The following CACNB4 variants were observed in gnomAD, a reference collection of about 807,000 sequenced individuals.
CACNB4 encodes calcium voltage-gated channel auxiliary subunit beta 4.
Under a neutral mutation model 71.2 loss-of-function variants are expected in CACNB4, and 32 were observed. The ratio of observed to expected loss-of-function variants is 0.45; its 90% CI spans 0.34 to 0.60. CACNB4 has a LOEUF of 0.60. Among genes scored for constraint, CACNB4 ranks in the 20% least tolerant of loss-of-function variants. The pLI, the probability that CACNB4 is intolerant of heterozygous loss-of-function variation, is 0.01. For synonymous variants in CACNB4, 231 were observed against 236.9 expected (o/e 0.97, Z 0.23); for missense variants, 464 against 647.9 (o/e 0.72, Z 3.08).
intron 2 of CACNB4, among the ~76,000 whole-genome samples, chr2:151,977,538 A>G (rs2099874029): frequency 6.6e-6 from 1 of 152,216 alleles, no homozygotes; most frequent in African/African-American, 2.4e-5. Context: ...AACCCATGAA[A>G]TTGACAGTAG....
chr2:152,057,008 C>A (rs907706078), intron 2 of CACNB4, among the ~76,000 whole-genome samples: 7 of 152,158 alleles, frequency 4.6e-5, no homozygotes, highest in African/African-American at 1.4e-4. Flanking sequence ...CATGTACAAT[C>A]CTCTTCTCAT....
chr2:152,078,784 T>C (rs1372538490), intron 2 of CACNB4, among the ~76,000 whole-genome samples: 1 of 152,212 alleles, frequency 6.6e-6, no homozygotes, highest in Non-Finnish European at 1.5e-5. Flanking sequence ...CTTGGACCAC[T>C]GATCTCTTGG....
chr2:151,931,174 T>C (rs1482971664), intron 2 of CACNB4, among the ~76,000 whole-genome samples: 1 of 152,208 alleles, frequency 6.6e-6, no homozygotes, highest in Non-Finnish European at 1.5e-5. Context: ...CCCAGGTCAC[T>C]GCAGTATACC....
intron 2 of CACNB4, among the ~76,000 whole-genome samples, chr2:152,015,547 A>T (rs1289798150): frequency 6.6e-6 from 1 of 152,186 alleles, no homozygotes; most frequent in Admixed American, 6.5e-5. Context: ...TATTTACCTA[A>T]CCAATGGATT....
intron 2 of CACNB4, among the ~76,000 whole-genome samples, chr2:152,076,652 G>T (rs537067075): frequency 3.9e-5 from 6 of 152,240 alleles, no homozygotes; most frequent in Non-Finnish European, 8.8e-5. Context: ...AATTCTTAAA[G>T]GAAGACATCC....
intron 2 of CACNB4, among the ~76,000 whole-genome samples, chr2:151,966,439 C>T (rs1178266203): frequency 6.6e-6 from 1 of 152,050 alleles, no homozygotes; most frequent in African/African-American, 2.4e-5. Context: ...CACCACCACG[C>T]CCAACTAATT....
chr2:152,084,787 T>G (rs1032553904), intron 2 of CACNB4, among the ~76,000 whole-genome samples: 1 of 151,976 alleles, frequency 6.6e-6, no homozygotes, highest in Non-Finnish European at 1.5e-5. Context: ...TGTTTTTTTT[T>G]TTTAATTTGT....
chr2:151,984,355 A>G (rs1338263576), intron 2 of CACNB4, among the ~76,000 whole-genome samples: 1 of 152,166 alleles, frequency 6.6e-6, no homozygotes, highest in East Asian at 1.9e-4. Flanking sequence ...ACTTAATGAG[A>G]AATTATGAGC....
At chr2:151,876,090 C>T (rs112432806) in intron 5 of CACNB4, among the ~76,000 whole-genome samples, 4 of 152,044 alleles carry the variant, frequency 2.6e-5, no homozygotes, top group African/African-American at 4.8e-5. Flanking sequence ...TCTCTGTAAG[C>T]GAACCAAGAG....
chr2:151,883,933 A>C, intron 2 of CACNB4: 1 of 175,494 alleles, frequency 5.7e-6, no homozygotes, highest in East Asian at 1.6e-4. Context: ...CAACAAGAAC[A>C]CTGAGCAGAA....
chr2:151,880,962 G>A, intron 3 of CACNB4, 40 bp from the exon 4 acceptor site: 1 of 1,552,662 alleles, frequency 6.4e-7, no homozygotes, highest in East Asian at 2.3e-5. Context: ...AGGAAGGGAG[G>A]AGAGAGGAGC....
chr2:151,860,679 G>T, intron 10 of CACNB4, 32 bp downstream of exon 10: 1 of 1,420,578 alleles, frequency 7.0e-7, no homozygotes, highest in Non-Finnish European at 1.0e-6. Context: ...TGTAAGCACA[G>T]CTTGAAGAAG....
rs2099834503 is a variant in CACNB4 at position 151,834,662 on chromosome 2, G to C, written c.*4457C>G. The C allele has an allele frequency of 6.6e-6, 1 of 151,900 alleles. No individual in the cohort carries two copies. The highest frequency in any genetic ancestry group is 6.6e-5 in the Admixed American group (1 of 15,242). 9.4% of individuals were successfully genotyped at this position (151,900 alleles called of 1,614,324 possible). A position where few individuals can be genotyped will look rare whatever the true frequency, so the allele number is the denominator to read the frequency against. ...ACTTGACTGCTTAAGTCAAAAAGAAGGTTATCCTTATTGTCTGTCTAACAG... is the reference window on the plus strand; with the variant it reads ...ACTTGACTGCTTAAGTCAAAAAGAACGTTATCCTTATTGTCTGTCTAACAG... On this transcript the variant is annotated 3_prime_UTR_variant, in exon 14 of 14. Coordinates refer to ENST00000539935, the MANE Select transcript of CACNB4 (RefSeq NM_000726.5).
At chr2:151,924,534 A>G (rs2099859762) in intron 2 of CACNB4, among the ~76,000 whole-genome samples, 1 of 150,924 alleles carries the variant, frequency 6.6e-6, no homozygotes, top group Non-Finnish European at 1.5e-5. Context: ...GGTGTGTGCC[A>G]TCATGGCTGC....
chr2:151,910,660 T>C (rs1286091790), intron 2 of CACNB4, among the ~76,000 whole-genome samples: 1 of 152,180 alleles, frequency 6.6e-6, no homozygotes, highest in East Asian at 1.9e-4. Flanking sequence ...AGTCTATACG[T>C]CTGTTTTGGT....
chr2:151,890,546 G>T (rs1295449684), intron 2 of CACNB4, among the ~76,000 whole-genome samples: 1 of 152,132 alleles, frequency 6.6e-6, no homozygotes. Context: ...CACTACATGG[G>T]GAGCAAGGGT....
At chr2:151,911,545 A>C (rs1299896444) in intron 2 of CACNB4, among the ~76,000 whole-genome samples, 1 of 152,152 alleles carries the variant, frequency 6.6e-6, no homozygotes, top group African/African-American at 2.4e-5. Flanking sequence ...ATGGTGGATA[A>C]GTTTTTTGAT....
At chr2:151,935,036 G>C (rs1310637768) in intron 2 of CACNB4, among the ~76,000 whole-genome samples, 1 of 152,204 alleles carries the variant, frequency 6.6e-6, no homozygotes, top group Non-Finnish European at 1.5e-5. Context: ...TTAATACAGA[G>C]ATCTGTGTAC....
intron 10 of CACNB4, among the ~76,000 whole-genome samples, chr2:151,855,642 A>G (rs1306667242): frequency 6.6e-6 from 1 of 152,224 alleles, no homozygotes; most frequent in East Asian, 1.9e-4. Context: ...TTATATAACT[A>G]CGATGATTAT....
Sources: gnomAD v4.1 joint callset for allele counts (sites outside exome capture counted in the v4.1 genomes callset) on GRCh38, gnomAD v4.1.1 for gene constraint, MANE v1.5 for transcripts, NCBI Gene and HGNC (gene_info 2026-07-23, HGNC 2026-07-21) for gene names.